LMF1: variants seen among roughly 807,000 people sequenced by gnomAD.
The protein encoded by LMF1 is lipase maturation factor 1.
A neutral mutation model predicts 60.6 loss-of-function variants in LMF1; 68 were observed. That is an observed-to-expected ratio of 1.12 (90% CI 0.92 to 1.37). LMF1 has a LOEUF of 1.37. LMF1 is among the 40% of genes most tolerant of loss of function. LMF1 has a pLI of 0.00. For missense variants in LMF1, 948 were observed against 767.2 expected (o/e 1.24, Z -2.78); for synonymous variants, 418 against 324.7 (o/e 1.29, Z -3.09).
Position 951,097 on chromosome 16 carries a change from G to A in LMF1, c.503+3260C>T. 2.6e-5 allele frequency among the ~76,000 whole-genome samples: 2 copies of A among 75,864 alleles called. 1 individual carries two copies. The highest frequency in any genetic ancestry group is 4.6e-5 in the Non-Finnish European group (2 of 43,422). The allele number at this position is 75,864 out of a possible 152,430, so 49.8% of individuals were successfully genotyped here. ...AGAGTCAGCCAACGACAGAGTCAGAGCCAATGACAGAGTCAGCCAATGACA... is the reference window on the plus strand; with the variant it reads ...AGAGTCAGCCAACGACAGAGTCAGAACCAATGACAGAGTCAGCCAATGACA... On this transcript the variant is annotated intron_variant, in intron 2 of 10. Coordinates refer to ENST00000262301, the MANE Select transcript of LMF1 (RefSeq NM_022773.4).
chr16:929,878 G>C (rs1344098999), intron 3 of LMF1, among the ~76,000 whole-genome samples: 1 of 152,158 alleles, frequency 6.6e-6, no homozygotes, highest in Non-Finnish European at 1.5e-5. Flanking sequence ...CTGGGACACA[G>C]AGCCCAGGAC....
intron 1 of LMF1, 112 bp from the exon 2 acceptor site, chr16:954,778 G>A (rs2072629885): frequency 1.6e-5 from 16 of 1,005,978 alleles, no homozygotes; most frequent in Non-Finnish European, 2.3e-5. Context: ...GGCAGAGTCT[G>A]GCTGACGGTT....
At chr16:912,717 T>G in intron 3 of LMF1, among the ~76,000 whole-genome samples, 1 of 152,182 alleles carries the variant, frequency 6.6e-6, no homozygotes, top group East Asian at 1.9e-4. Context: ...CAGAGCCGCC[T>G]GGCTGGCTGG....
intron 3 of LMF1, among the ~76,000 whole-genome samples, chr16:921,788 G>A (rs138089921): frequency 2.6e-5 from 4 of 152,304 alleles, no homozygotes; most frequent in East Asian, 1.9e-4. Flanking sequence ...AGCAAACCCC[G>A]TGAACAGAAC....
At chr16:904,564 GT>G in intron 4 of LMF1, among the ~76,000 whole-genome samples, 1 of 74,262 alleles carries the variant, frequency 1.3e-5, no homozygotes. Context: ...CTGCTGTGTG[GT>G]GGTGACCTTT....
rs578027040 is a variant in LMF1 at position 914,353 on chromosome 16, G to A, written c.515-3274C>T. 8.5e-5 allele frequency among the ~76,000 whole-genome samples: 13 copies of A among 152,204 alleles called. No individual in the cohort carries two copies. In the East Asian group the frequency reaches 9.7e-4, roughly 11 times the overall value. On this transcript the variant is annotated intron_variant, in intron 3 of 10. Transcript: ENST00000262301. The stretch of plus-strand genomic sequence containing the variant: ...GAGAAGGCTGGGCAGGCCAAGACCC[G>A]GGGAGGCTCCCCACACCCGACCTTC...
intron 10 of LMF1, among the ~76,000 whole-genome samples, chr16:858,976 G>C (rs1198606860): frequency 1.0e-5 from 1 of 98,784 alleles, no homozygotes; most frequent in East Asian, 2.9e-4. Flanking sequence ...GTGGTGTCAC[G>C]GGACGGGTGT....
chr16:870,728 C>G lies in LMF1; in HGVS notation c.1232+1G>C. Reference sequence around the variant, plus strand: ...GGGGGACGGGGACCCCAGGCTCATACCTTCCGAAGGCCCCGTAAGTGTTGA... The same window carrying G: ...GGGGGACGGGGACCCCAGGCTCATAGCTTCCGAAGGCCCCGTAAGTGTTGA... On this transcript the variant is annotated splice_donor_variant, in intron 8 of 10. Transcript: ENST00000262301. LOFTEE classifies it high-confidence loss of function. The G allele has an allele frequency of 1.2e-6, 2 of 1,612,646 alleles. No individual in the cohort carries two copies. The highest frequency in any genetic ancestry group is 1.7e-6 in the Non-Finnish European group (2 of 1,179,766).
intron 1 of LMF1, chr16:976,855 C>T (rs1158741777): frequency 4.4e-6 from 2 of 454,164 alleles, no homozygotes; most frequent in Non-Finnish European, 8.8e-6. Context: ...CACATGCGAA[C>T]AGCCTGGGCA....
At chr16:930,597 C>T (rs980385609) in intron 3 of LMF1, among the ~76,000 whole-genome samples, 20 of 152,192 alleles carry the variant, frequency 1.3e-4, no homozygotes, top group African/African-American at 4.8e-4. Flanking sequence ...TGTGGTCATC[C>T]TGAGAAAAAG....
At chr16:923,958 C>A (rs2071518199) in intron 3 of LMF1, among the ~76,000 whole-genome samples, 1 of 152,032 alleles carries the variant, frequency 6.6e-6, no homozygotes, top group African/African-American at 2.4e-5. Context: ...GAGATATGAT[C>A]AGAGATGAAA....
chr16:889,848 G>C (rs999141491), intron 5 of LMF1, among the ~76,000 whole-genome samples: 8 of 152,126 alleles, frequency 5.3e-5, no homozygotes, highest in African/African-American at 1.7e-4. Context: ...CAAGACACAC[G>C]GGAGGGAGCA....
rs1207798495 is a variant in LMF1 at position 889,366 on chromosome 16, A to ATGGGTGTGAGGCTGCGGATGGCCG, written c.729+3617_729+3640dup. On this transcript the variant is annotated intron_variant, in intron 5 of 10. Coordinates refer to ENST00000262301, the MANE Select transcript of LMF1 (RefSeq NM_022773.4). ...GTGGGGTGTGAGGCTGCGGATGGCC[A>ATGGGTGTGAGGCTGCGGATGGCCG]TGGGTGTGAGGCTGCGGATGGCCGT... 8.2e-5 allele frequency among the ~76,000 whole-genome samples: 12 copies of ATGGGTGTGAGGCTGCGGATGGCCG among 145,972 alleles called. 1 individual carries two copies. In the South Asian group the frequency reaches 8.4e-4, roughly 10 times the overall value.
At chr16:934,665 G>T (rs1336984631) in intron 2 of LMF1, among the ~76,000 whole-genome samples, 2 of 152,232 alleles carry the variant, frequency 1.3e-5, no homozygotes, top group Non-Finnish European at 2.9e-5. Context: ...GAAAGGAATT[G>T]GTGGGAAAGG....
intron 10 of LMF1, among the ~76,000 whole-genome samples, chr16:868,075 C>G (rs1318386384): frequency 6.6e-6 from 1 of 152,108 alleles, no homozygotes; most frequent in Non-Finnish European, 1.5e-5. Context: ...AGACTCTGCT[C>G]TGTTCCTGCT....
intron 2 of LMF1, 110 bp downstream of exon 2, chr16:954,247 G>C: frequency 8.7e-7 from 1 of 1,150,322 alleles, no homozygotes; most frequent in Non-Finnish European, 1.3e-6. Context: ...CCTCCTGAAG[G>C]AATTTAAGAT....
At position 954,062 on chromosome 16, in the gene LMF1, G is replaced by GCTTCCTACATATCCACACAGACACCC. The variant is rs1567312834; in HGVS notation, c.503+294_503+295insGGGTGTCTGTGTGGATATGTAGGAAG. On this transcript the variant is annotated intron_variant, in intron 2 of 10. Coordinates refer to ENST00000262301, the MANE Select transcript of LMF1 (RefSeq NM_022773.4). ...CCTCCTACACGTCCACACAGACACA[G>GCTTCCTACATATCCACACAGACACCC]ACCCACTGCTTCTGCCTCCCTTTCC... 9.0e-5 allele frequency among the ~76,000 whole-genome samples: 10 copies of GCTTCCTACATATCCACACAGACACCC among 110,748 alleles called. 2 individuals are homozygous for GCTTCCTACATATCCACACAGACACCC. The highest frequency in any genetic ancestry group is 4.1e-4 in the African/African-American group (10 of 24,686). 72.7% of individuals were successfully genotyped at this position (110,748 alleles called of 152,430 possible).
At chr16:975,502 C>T (rs1418663703), upstream of LMF1, among the ~76,000 whole-genome samples, 1 of 152,190 alleles carries the variant, frequency 6.6e-6, no homozygotes, top group African/African-American at 2.4e-5. Context: ...CCTCAGAGCC[C>T]ACCGTTGTGT....
At chr16:951,367 G>A (rs1597061223) in intron 2 of LMF1, among the ~76,000 whole-genome samples, 1 of 152,236 alleles carries the variant, frequency 6.6e-6, no homozygotes, top group African/African-American at 2.4e-5. Context: ...GCCAACGATG[G>A]AGTCAGAGCC....
Sources: gnomAD v4.1 joint callset for allele counts (sites outside exome capture counted in the v4.1 genomes callset) on GRCh38, gnomAD v4.1.1 for gene constraint, MANE v1.5 for transcripts, NCBI Gene and HGNC (gene_info 2026-07-23, HGNC 2026-07-21) for gene names.